ADAMTS12: variants seen among roughly 807,000 people sequenced by gnomAD.
ADAMTS12 encodes A disintegrin and metalloproteinase with thrombospondin motifs 12.
Under a neutral mutation model 167.8 loss-of-function variants are expected in ADAMTS12, and 118 were observed. The observed-to-expected ratio is 0.70, with a 90% confidence interval of 0.61 to 0.82. The LOEUF (loss-of-function observed/expected upper bound fraction) is 0.82. Ranked by LOEUF, ADAMTS12 falls within the 40% of genes least tolerant of loss-of-function variation. The probability of loss-of-function intolerance (pLI) is 0.00; values close to 1 mark genes in which losing one functional copy is unlikely to be tolerated. For synonymous variants in ADAMTS12, 704 were observed against 716.9 expected (o/e 0.98, Z 0.29); for missense variants, 1,916 against 1,998.8 (o/e 0.96, Z 0.79).
At chr5:33,651,876 TGTAA>T (rs1740878336) in intron 7 of ADAMTS12, among the ~76,000 whole-genome samples, 1 of 152,200 alleles carries the variant, frequency 6.6e-6, no homozygotes. Context: ...AGCTCCCACT[TGTAA>T]GTGAGAATAT....
chr5:33,842,820 A>G (rs1412083314), intron 2 of ADAMTS12, among the ~76,000 whole-genome samples: 5 of 152,234 alleles, frequency 3.3e-5, no homozygotes, highest in Non-Finnish European at 5.9e-5. Context: ...GCGAACACAC[A>G]TTCAGAAAGC....
At chr5:33,545,960 T>C (rs1744958020) in intron 22 of ADAMTS12, 99 bp downstream of exon 22, 6 of 1,438,344 alleles carry the variant, frequency 4.2e-6, no homozygotes, top group Admixed American at 2.3e-5. Flanking sequence ...TGTATACCTA[T>C]GTAACAAACC....
chr5:33,808,123 C>T (rs560121037), intron 2 of ADAMTS12, among the ~76,000 whole-genome samples: 1 of 152,168 alleles, frequency 6.6e-6, no homozygotes, highest in South Asian at 2.1e-4. Flanking sequence ...AAGCACGAGC[C>T]GCGTACAGAA....
intron 12 of ADAMTS12, among the ~76,000 whole-genome samples, chr5:33,634,681 A>C (rs1740108535): frequency 6.6e-6 from 1 of 152,158 alleles, no homozygotes; most frequent in African/African-American, 2.4e-5. Context: ...ACTTTCTAAT[A>C]CTATAATCTT....
Position 33,576,313 on chromosome 5 carries a change from CCCT to C in ADAMTS12, c.3710_3712del (p.Glu1237del). On this transcript the variant is annotated inframe_deletion, in exon 19 of 24. Transcript: ENST00000504830. Reference sequence around the variant, plus strand: ...GTTGGCTGGCTTTTCAGTAACCATCCCCTCAACTCTGGGTGTCCCAGTTTCGGA... The same window carrying C: ...GTTGGCTGGCTTTTCAGTAACCATCCCAACTCTGGGTGTCCCAGTTTCGGA... The C allele has an allele frequency of 6.2e-7, 1 of 1,614,124 alleles. No homozygotes were observed. The highest frequency in any genetic ancestry group is 1.1e-5 in the South Asian group (1 of 91,080).
At chr5:33,784,492 G>C (rs554287017) in intron 2 of ADAMTS12, among the ~76,000 whole-genome samples, 4 of 151,832 alleles carry the variant, frequency 2.6e-5, no homozygotes, top group African/African-American at 9.7e-5. Flanking sequence ...AGCAAATTTA[G>C]CAAGGTTACA....
At chr5:33,811,075 G>A (rs960501875) in intron 2 of ADAMTS12, among the ~76,000 whole-genome samples, 12 of 152,136 alleles carry the variant, frequency 7.9e-5, no homozygotes, top group African/African-American at 1.4e-4. Flanking sequence ...GGCCCTGCTC[G>A]TGATCTTGGA....
chr5:33,881,736 T>C (rs1340511668), intron 1 of ADAMTS12, among the ~76,000 whole-genome samples: 1 of 42,626 alleles, frequency 2.3e-5, no homozygotes, highest in Non-Finnish European at 3.5e-5. Flanking sequence ...CTAATTTTGT[T>C]TTTTTTTTTT....
chr5:33,869,732 G>C (rs1344369981), intron 2 of ADAMTS12, among the ~76,000 whole-genome samples: 1 of 152,188 alleles, frequency 6.6e-6, no homozygotes, highest in South Asian at 2.1e-4. Flanking sequence ...GGCAAAACTA[G>C]AATTGCTAAT....
chr5:33,549,843 G>A (rs530505417), intron 20 of ADAMTS12, among the ~76,000 whole-genome samples: 1 of 152,264 alleles, frequency 6.6e-6, no homozygotes, highest in Non-Finnish European at 1.5e-5. Flanking sequence ...AGCCTTGTCC[G>A]TCTTTCCTTC....
intron 16 of ADAMTS12, among the ~76,000 whole-genome samples, chr5:33,604,192 T>C (rs189962033): frequency 1.3e-5 from 2 of 152,320 alleles, no homozygotes; most frequent in East Asian, 3.9e-4. Context: ...CACTCGTTTA[T>C]AATGAAAGAT....
In ADAMTS12 at chr5:33,839,537, T is replaced by C. The variant is rs970573543; in HGVS notation, c.489+41582A>G. Among the ~76,000 whole-genome samples, 8 of 152,304 alleles carry C rather than the reference T, an allele frequency of 5.3e-5. No homozygotes were observed. The South Asian group carries it at 1.2e-3, about 24-fold the overall frequency. On this transcript the variant is annotated intron_variant, in intron 2 of 23. Coordinates refer to ENST00000504830, the MANE Select transcript of ADAMTS12 (RefSeq NM_030955.4). Reference sequence around the variant, plus strand: ...GTCAATTTTCTTTCCTAGTTGAACATATGGTGGCTCCAACTCTGGAAGGGA... The same window carrying C: ...GTCAATTTTCTTTCCTAGTTGAACACATGGTGGCTCCAACTCTGGAAGGGA...
chr5:33,574,767 ACTAC>A (rs1561137481), intron 19 of ADAMTS12, among the ~76,000 whole-genome samples: 2 of 151,356 alleles, frequency 1.3e-5, no homozygotes, highest in Non-Finnish European at 2.9e-5. Context: ...AAAAAATGAG[ACTAC>A]CTATGAAAGT....
chr5:33,575,920 T>C (rs1056742753), intron 19 of ADAMTS12, 134 bp downstream of exon 19: 2 of 1,284,552 alleles, frequency 1.6e-6, no homozygotes, highest in South Asian at 1.6e-5. Flanking sequence ...GGGGAGGGCA[T>C]GGGTCTGATT....
intron 16 of ADAMTS12, among the ~76,000 whole-genome samples, chr5:33,612,168 G>A (rs1053754870): frequency 3.9e-5 from 6 of 152,124 alleles, no homozygotes; most frequent in African/African-American, 7.2e-5. Flanking sequence ...AGTAAGATTC[G>A]CCCTCACTCA....
At chr5:33,649,281 A>G (rs776376752) in intron 8 of ADAMTS12, among the ~76,000 whole-genome samples, 11 of 152,198 alleles carry the variant, frequency 7.2e-5, no homozygotes, top group Non-Finnish European at 1.5e-4. Context: ...CAAGGACTTA[A>G]TTCATAATTG....
intron 16 of ADAMTS12, among the ~76,000 whole-genome samples, chr5:33,601,783 C>G (rs956399488): frequency 6.6e-6 from 1 of 152,164 alleles, no homozygotes; most frequent in East Asian, 1.9e-4. Flanking sequence ...ACTACTTTTT[C>G]TCTCCCTGAA....
intron 18 of ADAMTS12, among the ~76,000 whole-genome samples, chr5:33,586,666 G>A (rs1722228640): frequency 6.6e-6 from 1 of 152,218 alleles, no homozygotes; most frequent in Non-Finnish European, 1.5e-5. Context: ...TACATGACAA[G>A]AATTATTAAC....
intron 7 of ADAMTS12, 92 bp downstream of exon 7, chr5:33,658,091 AC>A (rs1266646470): frequency 6.7e-7 from 1 of 1,487,290 alleles, no homozygotes; most frequent in Non-Finnish European, 9.2e-7. Flanking sequence ...GAGTCTCCTG[AC>A]CCCCAATTTG....
Sources: allele counts gnomAD v4.1 joint callset (sites outside exome capture counted in the v4.1 genomes callset), GRCh38; gene constraint gnomAD v4.1.1; transcripts MANE v1.5; gene names NCBI Gene and HGNC (gene_info 2026-07-23, HGNC 2026-07-21).